Variants in AGPAT4 observed in about 807,000 individuals in gnomAD.
The protein encoded by AGPAT4 is 1-acyl-sn-glycerol-3-phosphate acyltransferase delta.
AGPAT4 carries 15 observed loss-of-function variants against 48.0 expected under a neutral mutation model. The observed-to-expected ratio is 0.31, with a 90% CI of 0.21 to 0.48. AGPAT4 has a LOEUF of 0.48. Among genes scored for constraint, AGPAT4 ranks in the 20% least tolerant of loss-of-function variants. The pLI is 0.99. For missense variants in AGPAT4, 314 were observed against 482.5 expected (o/e 0.65, Z 3.27); for synonymous variants, 178 against 198.7 (o/e 0.90, Z 0.88).
Position 161,144,516 on chromosome 6 carries a change from G to A in AGPAT4, c.843+2008C>T, listed in dbSNP as rs1447273813. The stretch of plus-strand genomic sequence containing the variant: ...ATGTGCCTCTCAGCTTGGTTTACAC[G>A]ATGACCACACTCTGCCTGAATACAG... On this transcript the variant is annotated intron_variant, in intron 7 of 8. Coordinates refer to ENST00000320285, the MANE Select transcript of AGPAT4 (RefSeq NM_020133.3). The surrounding 1 kb of genome is among the most constrained non-coding windows in gnomAD (Gnocchi z 6.6). Among the ~76,000 whole-genome samples, 1 of 152,202 alleles carries A rather than the reference G, an allele frequency of 6.6e-6. No individual in the cohort carries two copies. Among genetic ancestry groups the A allele is most frequent in the East Asian group, 1.9e-4 (1 of 5,168 alleles).
rs1324389734 is a variant in AGPAT4, at chr6:161,133,198, C to G, written c.*3342G>C. ...CATTCTGTTTTGCTTGGGGACCAGCCAGACCACTCCTCCACTCCAGTGGGG... is the reference window on the plus strand; with the variant it reads ...CATTCTGTTTTGCTTGGGGACCAGCGAGACCACTCCTCCACTCCAGTGGGG... On this transcript the variant is annotated 3_prime_UTR_variant, in exon 9 of 9. Transcript: ENST00000320285. 6.6e-6 allele frequency: 1 copy of G among 152,228 alleles called. No individual in the cohort carries two copies. The highest frequency in any genetic ancestry group is 6.5e-5 in the Admixed American group (1 of 15,278). The allele number at this position is 152,228 out of a possible 1,614,324, so 9.4% of individuals were successfully genotyped here.
At position 161,262,096 on chromosome 6, in the gene AGPAT4, C is replaced by T. The variant is rs1326607847; in HGVS notation, c.-90+11842G>A. Among the ~76,000 whole-genome samples, 2 of 152,168 alleles carry T rather than the reference C, an allele frequency of 1.3e-5. No individual in the cohort carries two copies. Among genetic ancestry groups the T allele is most frequent in the African/African-American group, 4.8e-5 (2 of 41,448 alleles). On this transcript the variant is annotated intron_variant, in intron 1 of 8. Coordinates refer to ENST00000320285, the MANE Select transcript of AGPAT4 (RefSeq NM_020133.3). This position sits in a 1 kb window ranked among gnomAD's most constrained non-coding sequence, Gnocchi z 4.9. ...ATCATCACTGTGCCATCACCACAGC[C>T]TGGGCCCTGGCTCTGGGTTTCTTTT...
rs60587380 is a variant in AGPAT4, at chr6:161,159,937, CTTT to C, written c.349-5630_349-5628del. On this transcript the variant is annotated intron_variant, in intron 3 of 8. Transcript: ENST00000320285. The surrounding 1 kb of genome is among the most constrained non-coding windows in gnomAD (Gnocchi z 4.1). The stretch of plus-strand genomic sequence containing the variant: ...GTGTGAGCCACCAAACCTGGCTTTT[CTTT>C]TTTTTTTCTTTTTTTGAGATGGAGT... 6.8e-6 allele frequency among the ~76,000 whole-genome samples: 1 copy of C among 146,722 alleles called. No individual in the cohort carries two copies. Among genetic ancestry groups the C allele is most frequent in the East Asian group, 2.0e-4 (1 of 4,944 alleles).
chr6:161,161,011 GCA>G lies in AGPAT4; in HGVS notation c.348+5235_348+5236del, dbSNP rs1272582949. 4.7e-6 allele frequency: 2 copies of G among 421,920 alleles called. No individual in the cohort carries two copies. Among genetic ancestry groups the G allele is most frequent in the East Asian group, 1.4e-4 (2 of 14,308 alleles). 26.1% of individuals were successfully genotyped at this position (421,920 alleles called of 1,614,324 possible). A position where few individuals can be genotyped will look rare whatever the true frequency, so the allele number is the denominator to read the frequency against. ...CAGATGGGGCATCAGAGGGCCCTAAGCACAGAGCACGAAAGGGGGACAGTTCA... is the reference window on the plus strand; with the variant it reads ...CAGATGGGGCATCAGAGGGCCCTAAGCAGAGCACGAAAGGGGGACAGTTCA... On this transcript the variant is annotated intron_variant, in intron 3 of 8. Coordinates refer to ENST00000320285, the MANE Select transcript of AGPAT4 (RefSeq NM_020133.3). The surrounding 1 kb of genome is among the most constrained non-coding windows in gnomAD (Gnocchi z 4.6).
chr6:161,196,976 C>T lies in AGPAT4; in HGVS notation c.179-30559G>A, dbSNP rs528277344. 6.6e-6 allele frequency among the ~76,000 whole-genome samples: 1 copy of T among 152,228 alleles called. No homozygotes were observed. The highest frequency in any genetic ancestry group is 2.1e-4 in the South Asian group (1 of 4,810). On this transcript the variant is annotated intron_variant, in intron 2 of 8. Transcript: ENST00000320285. This position sits in a 1 kb window ranked among gnomAD's most constrained non-coding sequence, Gnocchi z 4.3. ...AGGCACTGGGGAAGTCAGCTGTGAA[C>T]AAGAGGCAAAGTCTGTGTCCTCTTG...
chr6:161,244,175 G>A lies in AGPAT4; in HGVS notation c.-89-11873C>T, dbSNP rs1410045125. ...TCCTGATCTCAAACAGACATACAGC[G>A]AGGAGCTGACGACACAATTCTAACA... On this transcript the variant is annotated intron_variant, in intron 1 of 8. Transcript: ENST00000320285. The surrounding 1 kb of genome is among the most constrained non-coding windows in gnomAD (Gnocchi z 4.7). Among the ~76,000 whole-genome samples, 1 of 152,286 alleles carries A rather than the reference G, an allele frequency of 6.6e-6. No individual in the cohort carries two copies. The highest frequency in any genetic ancestry group is 2.4e-5 in the African/African-American group (1 of 41,558).
In AGPAT4 at chr6:161,178,816, T is replaced by G. The variant is rs1435697875; in HGVS notation, c.179-12399A>C. Among the ~76,000 whole-genome samples the G allele has an allele frequency of 6.6e-6, 1 of 152,230 alleles. No homozygotes were observed. ...TCAGTTTGCCCAATTTTGCAGATGTTGTTTTGACTGTGCTGCTCTCTGAGG... is the reference window on the plus strand; with the variant it reads ...TCAGTTTGCCCAATTTTGCAGATGTGGTTTTGACTGTGCTGCTCTCTGAGG... On this transcript the variant is annotated intron_variant, in intron 2 of 8. Transcript: ENST00000320285. The surrounding 1 kb of genome is among the most constrained non-coding windows in gnomAD (Gnocchi z 5.1).
intron 2 of AGPAT4, among the ~76,000 whole-genome samples, chr6:161,194,255 A>G (rs1781001059): frequency 6.6e-6 from 1 of 152,236 alleles, no homozygotes; most frequent in Admixed American, 6.5e-5. Flanking sequence ...AATTTCACCT[A>G]TCTCTTAATT....
intron 2 of AGPAT4, among the ~76,000 whole-genome samples, chr6:161,176,372 T>A (rs1780428517): frequency 1.3e-5 from 2 of 152,172 alleles, no homozygotes; most frequent in Non-Finnish European, 2.9e-5. Context: ...GTTGAATTGA[T>A]CCCTTCACCA....
chr6:161,254,005 A>T lies in AGPAT4; in HGVS notation c.-90+19933T>A, dbSNP rs1782874384. Reference sequence around the variant, plus strand: ...ACACCTCTGATTTTACTATATATTAACAAATTGCTTTTTAAAATGGTTGGA... The same window carrying T: ...ACACCTCTGATTTTACTATATATTATCAAATTGCTTTTTAAAATGGTTGGA... On this transcript the variant is annotated intron_variant, in intron 1 of 8. Transcript: ENST00000320285. This position sits in a 1 kb window ranked among gnomAD's most constrained non-coding sequence, Gnocchi z 5.9. 1.3e-5 allele frequency among the ~76,000 whole-genome samples: 2 copies of T among 152,204 alleles called. No homozygotes were observed. The highest frequency in any genetic ancestry group is 4.8e-5 in the African/African-American group (2 of 41,456).
rs2114984706 is a variant in AGPAT4, at chr6:161,171,808, G to A, written c.179-5391C>T. 6.6e-6 allele frequency among the ~76,000 whole-genome samples: 1 copy of A among 152,218 alleles called. No individual in the cohort carries two copies. Among genetic ancestry groups the A allele is most frequent in the South Asian group, 2.1e-4 (1 of 4,816 alleles). On this transcript the variant is annotated intron_variant, in intron 2 of 8. Coordinates refer to ENST00000320285, the MANE Select transcript of AGPAT4 (RefSeq NM_020133.3). The surrounding 1 kb of genome is among the most constrained non-coding windows in gnomAD (Gnocchi z 4.4). ...CCAGCTACTCGGGAGTCTGAGGCAG[G>A]AGAATGGCATGAACCCAGGAGGCTG...
chr6:161,258,032 T>C (rs1351204534), intron 1 of AGPAT4, among the ~76,000 whole-genome samples: 1 of 152,238 alleles, frequency 6.6e-6, no homozygotes, highest in Non-Finnish European at 1.5e-5. Flanking sequence ...CATGGGATCA[T>C]TTATTACTTC....
At chr6:161,186,015 G>T (rs1329671383) in intron 2 of AGPAT4, among the ~76,000 whole-genome samples, 1 of 152,144 alleles carries the variant, frequency 6.6e-6, no homozygotes, top group African/African-American at 2.4e-5. Context: ...TTTGCTTACT[G>T]CATGGAGTAG....
In AGPAT4 at chr6:161,244,491, G is replaced by A. The variant is rs3757025; in HGVS notation, c.-89-12189C>T. ...TTATTTCATCATTTAGTATTTTCATGTTTAATAACCATTGGGGAAAGGGTT... is the reference window on the plus strand; with the variant it reads ...TTATTTCATCATTTAGTATTTTCATATTTAATAACCATTGGGGAAAGGGTT... On this transcript the variant is annotated intron_variant, in intron 1 of 8. Transcript: ENST00000320285. The surrounding 1 kb of genome is among the most constrained non-coding windows in gnomAD (Gnocchi z 4.7). 0.082 allele frequency among the ~76,000 whole-genome samples: 12,439 copies of A among 152,162 alleles called. 674 individuals carry two copies. Among genetic ancestry groups the A allele is most frequent in the East Asian group, 0.3 (1,573 of 5,176 alleles).
rs372076048 is a variant in AGPAT4, at chr6:161,149,355, C to T, written c.665-66G>A. On this transcript the variant is annotated intron_variant, in intron 5 of 8. Transcript: ENST00000320285. The surrounding 1 kb of genome is among the most constrained non-coding windows in gnomAD (Gnocchi z 6.5). ...TGAACCCAATTTTGTTCTGTAGATACACACATTGGAAGACAATAATCAAAT... is the reference window on the plus strand; with the variant it reads ...TGAACCCAATTTTGTTCTGTAGATATACACATTGGAAGACAATAATCAAAT... The T allele has an allele frequency of 1.3e-4, 177 of 1,408,360 alleles. No homozygotes were observed. In the African/African-American group the frequency reaches 2.3e-3, roughly 18 times the overall value. 87.2% of individuals were successfully genotyped at this position (1,408,360 alleles called of 1,614,324 possible). A position where few individuals can be genotyped will look rare whatever the true frequency, so the allele number is the denominator to read the frequency against.
rs1173263575 is a variant in AGPAT4 at position 161,139,018 on chromosome 6, G to A, written c.1042+404C>T. On this transcript the variant is annotated intron_variant, in intron 8 of 8. Coordinates refer to ENST00000320285, the MANE Select transcript of AGPAT4 (RefSeq NM_020133.3). The surrounding 1 kb of genome is among the most constrained non-coding windows in gnomAD (Gnocchi z 9.1). Reference sequence around the variant, plus strand: ...GGAGAAGCCACAGGCGCCCCCAGAGGAAGGCAGGGAGCTGCCCATCCGTCC... The same window carrying A: ...GGAGAAGCCACAGGCGCCCCCAGAGAAAGGCAGGGAGCTGCCCATCCGTCC... Among the ~76,000 whole-genome samples the A allele has an allele frequency of 6.6e-6, 1 of 152,238 alleles. No individual in the cohort carries two copies. The highest frequency in any genetic ancestry group is 1.5e-5 in the Non-Finnish European group (1 of 68,042).
intron 2 of AGPAT4, among the ~76,000 whole-genome samples, chr6:161,172,688 C>A (rs1462155073): frequency 6.6e-6 from 1 of 152,070 alleles, no homozygotes; most frequent in East Asian, 1.9e-4. Flanking sequence ...TACATGTGCA[C>A]AACATGCAGG....
intron 2 of AGPAT4, among the ~76,000 whole-genome samples, chr6:161,170,306 C>T (rs1300466267): frequency 1.3e-5 from 2 of 152,158 alleles, no homozygotes; most frequent in African/African-American, 4.8e-5. Context: ...CTACATATCT[C>T]CCAGTGGTTT....
chr6:161,245,615 G>T lies in AGPAT4; in HGVS notation c.-89-13313C>A, dbSNP rs969483137. Among the ~76,000 whole-genome samples the T allele has an allele frequency of 6.6e-6, 1 of 152,078 alleles. No homozygotes were observed. The highest frequency in any genetic ancestry group is 2.4e-5 in the African/African-American group (1 of 41,414). On this transcript the variant is annotated intron_variant, in intron 1 of 8. Transcript: ENST00000320285. This position sits in a 1 kb window ranked among gnomAD's most constrained non-coding sequence, Gnocchi z 5.2. ...CAGTTTAGGGGGACACAAGCAAGTG[G>T]CCGTTCATTTTCTTCTGCATCTCAG... is the stretch of plus-strand genomic sequence containing the variant.
Sources: gnomAD v4.1 joint callset for allele counts (sites outside exome capture counted in the v4.1 genomes callset) on GRCh38, gnomAD v4.1.1 for gene constraint, Gnocchi (gnomAD v3.1) non-coding constraint, MANE v1.5 for transcripts, NCBI Gene and HGNC (gene_info 2026-07-23, HGNC 2026-07-21) for gene names.